Variants in SAMD4A observed in about 807,000 individuals in gnomAD.
SAMD4A encodes sterile alpha motif domain containing 4A.
In SAMD4A, 33 loss-of-function variants were observed where a neutral mutation model predicts 81.3. The ratio of observed to expected loss-of-function variants is 0.41; its 90% CI spans 0.31 to 0.54. SAMD4A has a LOEUF of 0.54. SAMD4A is among the 20% of genes least tolerant of loss of function. The probability of loss-of-function intolerance (pLI) is 0.37; values close to 1 mark genes in which losing one functional copy is unlikely to be tolerated. For synonymous variants in SAMD4A, 389 were observed against 382.1 expected (o/e 1.02, Z -0.21); for missense variants, 854 against 951.1 (o/e 0.90, Z 1.34).
chr14:54,771,966 G>A (rs1262637476), intron 9 of SAMD4A, among the ~76,000 whole-genome samples: 3 of 152,202 alleles, frequency 2.0e-5, no homozygotes, highest in African/African-American at 7.2e-5. Flanking sequence ...TGCCAGGTTG[G>A]AGTCCTAATG....
rs1205752581 is a variant in SAMD4A, at chr14:54,737,127, T to G, written c.819T>G (p.His273Gln). The G allele has an allele frequency of 6.2e-7, 1 of 1,614,100 alleles. No homozygotes were observed. Among genetic ancestry groups the G allele is most frequent in the Non-Finnish European group, 8.5e-7 (1 of 1,179,988 alleles). The change falls in exon 4 of 13, where the codon CAT becomes CAG. Residue 273 changes from histidine to glutamine, a missense_variant. Transcript: ENST00000554335. The stretch of plus-strand genomic sequence containing the variant: ...CTCTAGGACATGGATGGATGTCTCA[T>G]GAGGACTTACGAGCTAGAGGACCCC... ...NQPLGHGWMSHEDLRARGPQC... is the reference protein window; with the variant it reads ...NQPLGHGWMSQEDLRARGPQC...
chr14:54,777,635 C>CCGAGTAGAAGTCAGGCAGGAGGGTGCA (rs1423980842), intron 11 of SAMD4A, among the ~76,000 whole-genome samples: 1 of 151,862 alleles, frequency 6.6e-6, no homozygotes, highest in Non-Finnish European at 1.5e-5. Context: ...ATGGGGGATT[C>CCGAGTAGAAGTCAGGCAGGAGGGTGCA]CGAGTAGAAG....
At position 54,626,059 on chromosome 14, in the gene SAMD4A, TGCGCGCGCGCGC is replaced by T. The variant is rs113491666; in HGVS notation, c.196+57953_196+57964del. ...GTGTGTGTGTGTGTGTGTGTGTGTG[TGCGCGCGCGCGC>T]GCGCGAGTGCGCACATGTGCATGCA... On this transcript the variant is annotated intron_variant, in intron 2 of 12. Coordinates refer to ENST00000554335, the MANE Select transcript of SAMD4A (RefSeq NM_015589.6). Among the ~76,000 whole-genome samples the T allele has an allele frequency of 2.5e-3, 254 of 102,118 alleles. 1 individual carries two copies. The highest frequency in any genetic ancestry group is 0.015 in the Middle Eastern group (3 of 204). 67.0% of individuals were successfully genotyped at this position (102,118 alleles called of 152,430 possible).
At chr14:54,783,456 C>A (rs893280973) in intron 11 of SAMD4A, among the ~76,000 whole-genome samples, 3 of 152,128 alleles carry the variant, frequency 2.0e-5, no homozygotes, top group African/African-American at 7.2e-5. Context: ...TCACAAGAGG[C>A]GACATTGGAA....
At chr14:54,639,955 T>C (rs972831614) in intron 2 of SAMD4A, among the ~76,000 whole-genome samples, 1 of 152,148 alleles carries the variant, frequency 6.6e-6, no homozygotes, top group African/African-American at 2.4e-5. Context: ...TTCTGCTTAT[T>C]TTCAATAGGC....
intron 2 of SAMD4A, among the ~76,000 whole-genome samples, chr14:54,615,721 T>C (rs1261999398): frequency 6.6e-6 from 1 of 152,244 alleles, no homozygotes; most frequent in Non-Finnish European, 1.5e-5. Context: ...CTCAATGTTC[T>C]CTATTTTAAT....
intron 3 of SAMD4A, among the ~76,000 whole-genome samples, chr14:54,713,468 C>CTA (rs767272729): frequency 6.6e-6 from 1 of 152,116 alleles, no homozygotes; most frequent in Non-Finnish European, 1.5e-5. Flanking sequence ...CTGGAAAATG[C>CTA]TATAAAGGAT....
At chr14:54,784,035 C>A (rs1437194568) in intron 11 of SAMD4A, among the ~76,000 whole-genome samples, 1 of 152,128 alleles carries the variant, frequency 6.6e-6, no homozygotes, top group African/African-American at 2.4e-5. Context: ...ATGGCTCATA[C>A]AAGGAACAAA....
Position 54,639,107 on chromosome 14 carries a change from C to T in SAMD4A, c.197-62955C>T, listed in dbSNP as rs553064629. On this transcript the variant is annotated intron_variant, in intron 2 of 12. Transcript: ENST00000554335. ...GACCATGCCATTTGGTACTTATTGACCCCAGCAAATTACTTTAATCCCTCC... is the reference window on the plus strand; with the variant it reads ...GACCATGCCATTTGGTACTTATTGATCCCAGCAAATTACTTTAATCCCTCC... 2.0e-5 allele frequency among the ~76,000 whole-genome samples: 3 copies of T among 152,284 alleles called. No homozygotes were observed. In the South Asian group the frequency reaches 6.2e-4, roughly 32 times the overall value.
chr14:54,707,585 G>A (rs1337213474), intron 3 of SAMD4A, among the ~76,000 whole-genome samples: 3 of 152,160 alleles, frequency 2.0e-5, no homozygotes, highest in East Asian at 1.9e-4. Context: ...TAAAGTATAT[G>A]TGTGGTAGAA....
intron 3 of SAMD4A, among the ~76,000 whole-genome samples, chr14:54,727,968 T>C (rs1319036984): frequency 6.6e-6 from 1 of 152,136 alleles, no homozygotes; most frequent in Non-Finnish European, 1.5e-5. Flanking sequence ...TCACAGCCTG[T>C]TCTTTTTGCT....
intron 2 of SAMD4A, among the ~76,000 whole-genome samples, chr14:54,695,953 G>GAAA (rs35817270): frequency 1.1e-3 from 90 of 78,274 alleles, no homozygotes; most frequent in African/African-American, 4.6e-3. Context: ...CTCCATCTCA[G>GAAA]AAAAAAAAAA....
At position 54,702,745 on chromosome 14, in the gene SAMD4A, C is replaced by G. The variant is rs2036752838; in HGVS notation, c.715+165C>G. ...TCCTTTGGACCCCATATTTGTTGCT[C>G]TTTGACTCTGCAAAGATGAAAATAC... is the stretch of plus-strand genomic sequence containing the variant. On this transcript the variant is annotated intron_variant, in intron 3 of 12. Coordinates refer to ENST00000554335, the MANE Select transcript of SAMD4A (RefSeq NM_015589.6). 3 of 798,662 alleles carry G rather than the reference C, an allele frequency of 3.8e-6. No individual in the cohort carries two copies. The Admixed American group carries it at 8.0e-5, about 21-fold the overall frequency. 49.5% of individuals were successfully genotyped at this position (798,662 alleles called of 1,614,324 possible).
intron 2 of SAMD4A, among the ~76,000 whole-genome samples, chr14:54,660,844 T>C (rs1406326702): frequency 6.6e-6 from 1 of 152,216 alleles, no homozygotes; most frequent in African/African-American, 2.4e-5. Flanking sequence ...AGCATATCCC[T>C]CCAGTCCTGT....
chr14:54,758,264 C>CA (rs1387626036), intron 6 of SAMD4A, among the ~76,000 whole-genome samples: 2 of 151,822 alleles, frequency 1.3e-5, no homozygotes, highest in East Asian at 1.9e-4. Context: ...CCCTCCCCGC[C>CA]AAAAAAAAGC....
At chr14:54,774,857 A>T in intron 9 of SAMD4A, 77 bp from the exon 10 acceptor site, 1 of 1,396,222 alleles carries the variant, frequency 7.2e-7, no homozygotes, top group Non-Finnish European at 1.0e-6. Flanking sequence ...CCAAGGCGAC[A>T]TCCCTTGGGA....
intron 2 of SAMD4A, among the ~76,000 whole-genome samples, chr14:54,632,600 T>C (rs1010486300): frequency 6.6e-6 from 1 of 152,196 alleles, no homozygotes; most frequent in Non-Finnish European, 1.5e-5. Flanking sequence ...CTTAACAGCA[T>C]GTCTTGATGA....
chr14:54,568,069 C>G lies in SAMD4A; in HGVS notation c.153C>G (p.Asp51Glu). The change falls in exon 2 of 13, where the codon GAC becomes GAG. Residue 51 changes from aspartate (D) to glutamate (E), a missense_variant. Coordinates refer to ENST00000554335, the MANE Select transcript of SAMD4A (RefSeq NM_015589.6). ...TCTGCCTGGAGCACTCGCTGGCCGACTGCGCCGAGCTGCACGTCCTCGAAC... is the reference window on the plus strand; with the variant it reads ...TCTGCCTGGAGCACTCGCTGGCCGAGTGCGCCGAGCTGCACGTCCTCGAAC... ...LQLCLEHSLA[D>E]CAELHVLERE... The G allele has an allele frequency of 6.3e-7, 1 of 1,585,078 alleles. No individual in the cohort carries two copies. Among genetic ancestry groups the G allele is most frequent in the Non-Finnish European group, 8.5e-7 (1 of 1,173,250 alleles).
intron 4 of SAMD4A, among the ~76,000 whole-genome samples, chr14:54,746,304 T>C (rs2037966136): frequency 1.3e-5 from 2 of 152,168 alleles, no homozygotes; most frequent in African/African-American, 4.8e-5. Flanking sequence ...CAATGCTTGC[T>C]CTAAAAACAG....
Sources: gnomAD v4.1 joint callset for allele counts (sites outside exome capture counted in the v4.1 genomes callset) on GRCh38, gnomAD v4.1.1 for gene constraint, MANE v1.5 for transcripts, NCBI Gene and HGNC (gene_info 2026-07-23, HGNC 2026-07-21) for gene names.